The following RNF20 variants were observed in gnomAD, a reference collection of about 807,000 sequenced individuals.
The protein encoded by RNF20 is E3 ubiquitin-protein ligase BRE1A.
In RNF20, 84 loss-of-function variants were observed where a neutral mutation model predicts 126.2. The ratio of observed to expected loss-of-function variants is 0.67; its 90% CI spans 0.56 to 0.80. The LOEUF (loss-of-function observed/expected upper bound fraction) is 0.80, where lower values mean the gene tolerates loss of function less well. Ranked by LOEUF, RNF20 falls within the 30% of genes least tolerant of loss-of-function variation. The pLI is 0.00. For missense variants in RNF20, 869 were observed against 1,188.2 expected, an observed-to-expected ratio of 0.73 and a Z score of 3.95; for synonymous variants, 400 against 414.3, an observed-to-expected ratio of 0.97 and a Z score of 0.42.
At chr9:101,559,715 G>A (rs1207892943) in intron 16 of RNF20, among the ~76,000 whole-genome samples, 1 of 152,108 alleles carries the variant, frequency 6.6e-6, no homozygotes, top group Non-Finnish European at 1.5e-5. Flanking sequence ...GTTGCTGTTG[G>A]TGTATAGCAG....
At chr9:101,550,470 T>A (rs1008561218) in intron 9 of RNF20, 136 bp from the exon 10 acceptor site, 20 of 720,076 alleles carry the variant, frequency 2.8e-5, no homozygotes, top group Admixed American at 4.8e-5. Flanking sequence ...ACTACAGCAA[T>A]GGGTAGATAA....
chr9:101,561,700 A>T (rs543281218), intron 18 of RNF20, among the ~76,000 whole-genome samples: 4 of 152,336 alleles, frequency 2.6e-5, no homozygotes, highest in African/African-American at 7.2e-5. Flanking sequence ...AATAGATGCA[A>T]TTCTAATTTG....
intron 18 of RNF20, 47 bp from the exon 19 acceptor site, chr9:101,561,863 G>A: frequency 7.9e-7 from 1 of 1,261,204 alleles, no homozygotes; most frequent in East Asian, 2.3e-5. Flanking sequence ...TCTCAAAAAT[G>A]ATAGATTTGG....
rs181684237 is a variant in RNF20, at chr9:101,554,968, T to G, written c.2169+125T>G. 35 of 610,716 alleles carry G rather than the reference T, an allele frequency of 5.7e-5. 1 individual carries two copies. Among genetic ancestry groups the G allele is most frequent in the African/African-American group, 3.8e-4 (20 of 51,998 alleles). 37.8% of individuals were successfully genotyped at this position (610,716 alleles called of 1,614,324 possible). On this transcript the variant is annotated intron_variant, in intron 15 of 19. Coordinates refer to ENST00000389120, the MANE Select transcript of RNF20 (RefSeq NM_019592.7). ...GATTGTTAATGTGTATTTTTCCTTT[T>G]TGTGTGTGTGTTTTAATTCTTACCT...
Position 101,552,148 on chromosome 9 carries a change from A to T in RNF20, c.1416A>T (p.Ile472=). ...TLAANEQAGP[I]NREMRHLISS... is the part of the protein sequence containing the mutation. ...GTTGTTCCTGTATTTAAGGCCCTATAAACAGGGAGATGCGCCACCTCATCA... is the reference window on the plus strand; with the variant it reads ...GTTGTTCCTGTATTTAAGGCCCTATTAACAGGGAGATGCGCCACCTCATCA... The change falls in exon 12 of 20, where the codon ATA becomes ATT. Residue 472 remains isoleucine (I), a synonymous_variant. Coordinates refer to ENST00000389120, the MANE Select transcript of RNF20 (RefSeq NM_019592.7). The T allele has an allele frequency of 6.2e-7, 1 of 1,614,102 alleles. No homozygotes were observed.
chr9:101,539,127 C>T (rs192750184), intron 2 of RNF20, among the ~76,000 whole-genome samples: 124 of 152,242 alleles, frequency 8.1e-4, no homozygotes, highest in Non-Finnish European at 1.9e-4. Flanking sequence ...GTAAAGCCAT[C>T]TGTTTTGTAT....
rs1159735071 is a variant in RNF20, at chr9:101,540,300, T to C, written c.227T>C (p.Ile76Thr). ...ATTGAAGATGAACTTCGTGAGCACATTGAAAAACTGGAACGACGACAGGCC... is the reference window on the plus strand; with the variant it reads ...ATTGAAGATGAACTTCGTGAGCACACTGAAAAACTGGAACGACGACAGGCC... ...QAIEDELREH[I>T]EKLERRQATD... is the part of the protein sequence containing the mutation. The change falls in exon 3 of 20, where the codon ATT becomes ACT. Residue 76 changes from isoleucine to threonine, a missense_variant. Transcript: ENST00000389120. The C allele has an allele frequency of 2.5e-6, 4 of 1,614,034 alleles. No homozygotes were observed. Among genetic ancestry groups the C allele is most frequent in the African/African-American group, 1.3e-5 (1 of 74,910 alleles).
chr9:101,544,621 G>T, intron 5 of RNF20, 146 bp from the exon 6 acceptor site: 1 of 544,808 alleles, frequency 1.8e-6, no homozygotes. Flanking sequence ...CAGGAGAATC[G>T]GCTCGAACCC....
chr9:101,550,813 G>A (rs2118710584), intron 10 of RNF20, 28 bp downstream of exon 10: 1 of 1,606,446 alleles, frequency 6.2e-7, no homozygotes, highest in Non-Finnish European at 8.5e-7. Flanking sequence ...TCTTTTGTAT[G>A]TAAGCTTTCT....
At chr9:101,561,330 C>T in intron 18 of RNF20, 100 bp downstream of exon 18, 1 of 1,263,244 alleles carries the variant, frequency 7.9e-7, no homozygotes, top group South Asian at 1.4e-5. Flanking sequence ...ATGTCATTTC[C>T]TACTAGACTT....
chr9:101,552,452 G>A lies in RNF20; in HGVS notation c.1600G>A (p.Ala534Thr). ...SSTEDPKDEPAELKPDSEDLS... is the reference protein window; with the variant it reads ...SSTEDPKDEPTELKPDSEDLS... ...TACTGAGGACCCGAAGGATGAGCCTGCGGAGCTAAAACCAGATTCTGAGGA... is the reference window on the plus strand; with the variant it reads ...TACTGAGGACCCGAAGGATGAGCCTACGGAGCTAAAACCAGATTCTGAGGA... The change falls in exon 13 of 20, where the codon GCG (alanine) becomes ACG (threonine). Residue 534 changes from alanine to threonine, a missense_variant. This residue lies in a region of RNF20 where 231 missense variants were observed against 263.6 expected (regional missense o/e 0.88). Transcript: ENST00000389120. 1 of 1,613,212 alleles carries A rather than the reference G, an allele frequency of 6.2e-7. No homozygotes were observed. Among genetic ancestry groups the A allele is most frequent in the Non-Finnish European group, 8.5e-7 (1 of 1,179,192 alleles).
intron 18 of RNF20, 68 bp from the exon 19 acceptor site, chr9:101,561,842 T>C (rs551077897): frequency 9.7e-7 from 1 of 1,035,600 alleles, no homozygotes; most frequent in Admixed American, 1.7e-5. Flanking sequence ...AAAACTCAAG[T>C]CTATTATTTT....
In RNF20 at chr9:101,535,539, G is replaced by A; in HGVS notation, c.116G>A (p.Gly39Asp). The change falls in exon 2 of 20, where the codon GGT becomes GAT. Residue 39 changes from glycine (G) to aspartate (D), a missense_variant. By Grantham distance (94) the Gly-to-Asp change is moderately conservative. This residue lies in a region of RNF20 where 157 missense variants were observed against 236.0 expected (regional missense o/e 0.67). Coordinates refer to ENST00000389120, the MANE Select transcript of RNF20 (RefSeq NM_019592.7). ...GTTVETIKLG[G>D]VSSTEELDIR... ...ACAGTGGAAACAATTAAGCTAGGAG[G>A]TGTCTCTTCAACGGTATGAGGAAAC... 6.2e-7 allele frequency: 1 copy of A among 1,613,042 alleles called. No individual in the cohort carries two copies. The highest frequency in any genetic ancestry group is 8.5e-7 in the Non-Finnish European group (1 of 1,179,440).
chr9:101,556,715 C>CA (rs1588225972), intron 15 of RNF20, among the ~76,000 whole-genome samples: 1 of 151,544 alleles, frequency 6.6e-6, no homozygotes, highest in African/African-American at 2.4e-5. Flanking sequence ...TTCTACACTG[C>CA]AAAAAACACT....
intron 9 of RNF20, among the ~76,000 whole-genome samples, chr9:101,549,576 G>A (rs1265157684): frequency 1.3e-5 from 2 of 151,988 alleles, no homozygotes; most frequent in African/African-American, 2.4e-5. Context: ...AACTCCTCCC[G>A]GGAAAGGGAG....
intron 2 of RNF20, among the ~76,000 whole-genome samples, chr9:101,536,509 A>T (rs1370170749): frequency 6.6e-6 from 1 of 152,040 alleles, no homozygotes. Context: ...AGGCTGCCTG[A>T]GGTTCTGGTA....
Position 101,551,805 on chromosome 9 carries a change from C to T in RNF20, c.1394C>T (p.Ala465Val). The change falls in exon 11 of 20, where the codon GCC (alanine) becomes GTC (valine). Residue 465 changes from alanine (A) to valine (V), a missense_variant. By Grantham distance (64) the Ala-to-Val change is moderately conservative. Transcript: ENST00000389120. The part of the protein sequence containing the change: ...LRIEFEQTLA[A>V]NEQAGPINRE... ...ATAGAATTTGAGCAGACCCTTGCTG[C>T]CAATGAACAAGCAGGTATAATGATT... The T allele has an allele frequency of 6.2e-7, 1 of 1,606,958 alleles. No individual in the cohort carries two copies. The highest frequency in any genetic ancestry group is 1.3e-5 in the African/African-American group (1 of 74,558).
chr9:101,548,413 A>G (rs1024300148), intron 9 of RNF20, among the ~76,000 whole-genome samples: 3 of 152,190 alleles, frequency 2.0e-5, no homozygotes, highest in African/African-American at 7.2e-5. Flanking sequence ...CATGGTGACT[A>G]TAATTAATGC....
At chr9:101,551,567 T>C (rs1827445398) in intron 10 of RNF20, 117 bp from the exon 11 acceptor site, 2 of 453,888 alleles carry the variant, frequency 4.4e-6, no homozygotes, top group East Asian at 1.3e-4. Context: ...CTTTTGTAGA[T>C]ATCTGGTTTC....
Sources: allele counts gnomAD v4.1 joint callset (sites outside exome capture counted in the v4.1 genomes callset), GRCh38; gene constraint gnomAD v4.1.1; regional missense constraint gnomAD v4.1.1; transcripts MANE v1.5; gene names NCBI Gene and HGNC (gene_info 2026-07-23, HGNC 2026-07-21).